CTTNBP2: variants seen among roughly 807,000 people sequenced by gnomAD.
CTTNBP2 encodes the protein cortactin binding protein 2.
Under a neutral mutation model 156.9 loss-of-function variants are expected in CTTNBP2, and 108 were observed. The observed-to-expected ratio is 0.69, with a 90% CI of 0.59 to 0.81. The LOEUF is 0.81. Among genes scored for constraint, CTTNBP2 ranks in the 30% least tolerant of loss-of-function variants. The pLI is 0.00. For missense variants in CTTNBP2, 1,924 were observed against 2,035.4 expected, an observed-to-expected ratio of 0.95 and a Z score of 1.05; for synonymous variants, 767 against 751.8, an observed-to-expected ratio of 1.02 and a Z score of -0.33.
At chr7:117,821,993 G>C (rs1311364108) in intron 2 of CTTNBP2, among the ~76,000 whole-genome samples, 2 of 152,020 alleles carry the variant, frequency 1.3e-5, no homozygotes, top group Non-Finnish European at 2.9e-5. Context: ...CTCATAAAAT[G>C]AGTTCACCCA....
chr7:117,734,877 C>T (rs1795592948), intron 16 of CTTNBP2, 36 bp downstream of exon 16: 1 of 1,518,434 alleles, frequency 6.6e-7, no homozygotes, highest in African/African-American at 1.4e-5. Flanking sequence ...AAAACCCCTG[C>T]TCTCCTGGCA....
At chr7:117,764,137 T>TC (rs1464041503) in intron 9 of CTTNBP2, among the ~76,000 whole-genome samples, 1 of 152,162 alleles carries the variant, frequency 6.6e-6, no homozygotes, top group Non-Finnish European at 1.5e-5. Flanking sequence ...ATCTATGGTA[T>TC]CCTGTGTATC....
chr7:117,730,817 C>T lies in CTTNBP2; in HGVS notation c.3877-2550G>A, dbSNP rs141282699. Among the ~76,000 whole-genome samples the T allele has an allele frequency of 2.7e-3, 402 of 150,888 alleles. 3 individuals carry two copies. The highest frequency in any genetic ancestry group is 9.3e-3 in the African/African-American group (383 of 41,014). ...CAGGTTTCCTGAGATGGAAAAAATT[C>T]GGGGGGATGGGGACAGGGGGTATAT... is the stretch of plus-strand genomic sequence containing the variant. On this transcript the variant is annotated intron_variant, in intron 16 of 22. Transcript: ENST00000160373.
intron 2 of CTTNBP2, among the ~76,000 whole-genome samples, chr7:117,843,634 G>T (rs1802401648): frequency 1.3e-5 from 2 of 152,144 alleles, no homozygotes; most frequent in Admixed American, 6.5e-5. Flanking sequence ...CCACAGAAAG[G>T]CCTTGGCTTT....
Position 117,861,316 on chromosome 7 carries a change from T to C in CTTNBP2, c.82A>G (p.Lys28Glu). ...AGAGTATCCACATCAAACTCTTTTT[T>C]CTGTAACACATAAAAAAATAAGGCC... ...DAAGAAAEAAKKEFDVDTLSK... is the reference protein window; with the variant it reads ...DAAGAAAEAAEKEFDVDTLSK... The change falls in exon 2 of 23, where the codon AAA (lysine) becomes GAA (glutamate). Residue 28 changes from lysine to glutamate, a missense_variant and splice_region_variant. Transcript: ENST00000160373. 5 of 1,602,784 alleles carry C rather than the reference T, an allele frequency of 3.1e-6. No individual in the cohort carries two copies. The highest frequency in any genetic ancestry group is 3.4e-6 in the Non-Finnish European group (4 of 1,171,664).
chr7:117,830,479 C>T (rs1346784237), intron 2 of CTTNBP2, among the ~76,000 whole-genome samples: 2 of 152,154 alleles, frequency 1.3e-5, no homozygotes, highest in Non-Finnish European at 1.5e-5. Flanking sequence ...AGAGACATAC[C>T]GAACATCAAT....
In CTTNBP2 at chr7:117,711,067, T is replaced by C. The variant is rs923149797; in HGVS notation, c.*470A>G. On this transcript the variant is annotated 3_prime_UTR_variant, in exon 23 of 23. Transcript: ENST00000160373. ...ATTTGTTATTGCCCCATTCTAGTCA[T>C]TCCCCATCAAGTGAACATAAAATTA... 3 of 153,260 alleles carry C rather than the reference T, an allele frequency of 2.0e-5. No individual in the cohort carries two copies. Among genetic ancestry groups the C allele is most frequent in the African/African-American group, 4.8e-5 (2 of 41,454 alleles). The allele number at this position is 153,260 out of a possible 1,614,324, so 9.5% of individuals were successfully genotyped here.
intron 14 of CTTNBP2, among the ~76,000 whole-genome samples, chr7:117,741,627 T>A (rs1256967321): frequency 6.6e-6 from 1 of 152,224 alleles, no homozygotes; most frequent in Non-Finnish European, 1.5e-5. Context: ...GGATTTTTAT[T>A]CTGTATTTGG....
chr7:117,793,739 G>C (rs2116874803), intron 3 of CTTNBP2: 1 of 152,342 alleles, frequency 6.6e-6, no homozygotes, highest in Middle Eastern at 3.4e-3. Context: ...TAGGCCCTTA[G>C]GATTGGTGCT....
At chr7:117,846,642 G>T (rs1802602117) in intron 2 of CTTNBP2, among the ~76,000 whole-genome samples, 1 of 151,930 alleles carries the variant, frequency 6.6e-6, no homozygotes. Context: ...GATTAATGAA[G>T]AAACATTTGA....
chr7:117,815,553 C>T (rs1053651985), intron 2 of CTTNBP2, among the ~76,000 whole-genome samples: 17 of 152,184 alleles, frequency 1.1e-4, no homozygotes, highest in African/African-American at 3.9e-4. Flanking sequence ...CAGGAACTTT[C>T]GGTGACTTGG....
At chr7:117,844,426 G>A (rs1418627650) in intron 2 of CTTNBP2, among the ~76,000 whole-genome samples, 1 of 152,170 alleles carries the variant, frequency 6.6e-6, no homozygotes, top group African/African-American at 2.4e-5. Context: ...TGTACAGAGA[G>A]ACAGGATGTA....
chr7:117,719,922 T>C (rs770485996), intron 20 of CTTNBP2, among the ~76,000 whole-genome samples: 12 of 152,164 alleles, frequency 7.9e-5, no homozygotes, highest in Non-Finnish European at 1.8e-4. Context: ...CCAGGCCAGA[T>C]AGGATGCTAA....
At chr7:117,814,867 T>C (rs1800488683) in intron 2 of CTTNBP2, among the ~76,000 whole-genome samples, 1 of 152,264 alleles carries the variant, frequency 6.6e-6, no homozygotes, top group Non-Finnish European at 1.5e-5. Context: ...ACTGTGTTGC[T>C]GATATCTTTA....
intron 3 of CTTNBP2, among the ~76,000 whole-genome samples, chr7:117,808,310 T>C (rs1296455962): frequency 1.3e-5 from 2 of 151,844 alleles, no homozygotes; most frequent in East Asian, 3.9e-4. Context: ...CCTCCAAATA[T>C]CATTCCATCC....
chr7:117,718,143 G>C lies in CTTNBP2; in HGVS notation c.4645-24C>G, dbSNP rs533239332. ...ATCTAGAAAATACAGAATTTGCCCG[G>C]TCATGTCTCCACAGTCACACTGTGC... On this transcript the variant is annotated intron_variant, in intron 21 of 22. Transcript: ENST00000160373. The C allele has an allele frequency of 1.4e-4, 205 of 1,458,776 alleles. 1 individual carries two copies. In the South Asian group the frequency reaches 2.2e-3, roughly 16 times the overall value. The allele number at this position is 1,458,776 out of a possible 1,614,324, so 90.4% of individuals were successfully genotyped here. A position where few individuals can be genotyped will look rare whatever the true frequency, so the allele number is the denominator to read the frequency against.
At position 117,737,913 on chromosome 7, in the gene CTTNBP2, C is replaced by T. The variant is rs150332561; in HGVS notation, c.3536-2492G>A. On this transcript the variant is annotated intron_variant, in intron 14 of 22. Transcript: ENST00000160373. ...ACTAAGTTTAAGAAATGGCACTGGCCGAAGAATGGAGCTGGGCAGGATTCA... is the reference window on the plus strand; with the variant it reads ...ACTAAGTTTAAGAAATGGCACTGGCTGAAGAATGGAGCTGGGCAGGATTCA... Among the ~76,000 whole-genome samples, 538 of 152,100 alleles carry T rather than the reference C, an allele frequency of 3.5e-3. 1 individual carries two copies. Among genetic ancestry groups the T allele is most frequent in the Non-Finnish European group, 6.3e-3 (431 of 68,002 alleles).
chr7:117,800,262 C>T (rs1400992814), intron 3 of CTTNBP2, among the ~76,000 whole-genome samples: 1 of 151,904 alleles, frequency 6.6e-6, no homozygotes, highest in Admixed American at 6.6e-5. Context: ...CAATAGTCAT[C>T]GTTTACCTAA....
intron 2 of CTTNBP2, among the ~76,000 whole-genome samples, chr7:117,832,174 T>G (rs1041331833): frequency 6.6e-6 from 1 of 152,090 alleles, no homozygotes; most frequent in Non-Finnish European, 1.5e-5. Context: ...GAGACATCAC[T>G]TCCCCCCTGC....
Sources: allele counts gnomAD v4.1 joint callset (sites outside exome capture counted in the v4.1 genomes callset), GRCh38; gene constraint gnomAD v4.1.1; transcripts MANE v1.5; gene names NCBI Gene and HGNC (gene_info 2026-07-23, HGNC 2026-07-21).